The following SNX6 variants were observed in gnomAD, a reference collection of about 807,000 sequenced individuals.
SNX6 encodes sorting nexin-6.
In SNX6, 34 loss-of-function variants were observed where a neutral mutation model predicts 63.0. The ratio of observed to expected loss-of-function variants is 0.54; its 90% CI spans 0.41 to 0.72. The LOEUF (loss-of-function observed/expected upper bound fraction) is 0.72, where lower values mean the gene tolerates loss of function less well. SNX6 is among the 30% of genes least tolerant of loss of function. The pLI is 0.00. For synonymous variants in SNX6, 170 were observed against 164.2 expected (o/e 1.04, Z -0.27); for missense variants, 398 against 471.4 (o/e 0.84, Z 1.44).
At chr14:34,565,026 C>T (rs942625227) in intron 13 of SNX6, among the ~76,000 whole-genome samples, 4 of 151,198 alleles carry the variant, frequency 2.6e-5, no homozygotes, top group South Asian at 4.2e-4. Context: ...ATTTTACTTA[C>T]GGATACTTAA....
intron 13 of SNX6, 48 bp from the exon 14 acceptor site, chr14:34,563,223 C>T (rs1384489431): frequency 6.6e-7 from 1 of 1,515,208 alleles, no homozygotes; most frequent in African/African-American, 1.4e-5. Flanking sequence ...TCAAACAATT[C>T]AGAAGACTCC....
At chr14:34,578,301 T>C (rs1221256081) in intron 10 of SNX6, among the ~76,000 whole-genome samples, 1 of 152,138 alleles carries the variant, frequency 6.6e-6, no homozygotes, top group Non-Finnish European at 1.5e-5. Flanking sequence ...TTCTGCAACT[T>C]TTCTGTAAGT....
In SNX6 at chr14:34,576,089, A is replaced by AT. The variant is rs1167216808; in HGVS notation, c.835-248dup. Among the ~76,000 whole-genome samples, 14 of 150,254 alleles carry AT rather than the reference A, an allele frequency of 9.3e-5. No homozygotes were observed. The East Asian group carries it at 2.4e-3, about 25-fold the overall frequency. On this transcript the variant is annotated intron_variant, in intron 10 of 13. Coordinates refer to ENST00000362031, the MANE Select transcript of SNX6 (RefSeq NM_152233.4). ...CAGGCGCCCGCCACCACGCCCGGCT[A>AT]TTTTTTTTGTATTTTTTAGTAGAGA...
At chr14:34,611,420 T>C (rs1883222342) in intron 2 of SNX6, among the ~76,000 whole-genome samples, 1 of 147,910 alleles carries the variant, frequency 6.8e-6, no homozygotes, top group Non-Finnish European at 1.5e-5. Flanking sequence ...GAGGTTGCAG[T>C]GAGCTGAAAT....
intron 7 of SNX6, among the ~76,000 whole-genome samples, chr14:34,595,909 A>G (rs1039636005): frequency 1.3e-5 from 2 of 152,180 alleles, no homozygotes; most frequent in African/African-American, 4.8e-5. Flanking sequence ...CATTTTTAGA[A>G]CATCATTAAG....
At chr14:34,606,702 T>C (rs1291247535) in intron 4 of SNX6, among the ~76,000 whole-genome samples, 1 of 152,142 alleles carries the variant, frequency 6.6e-6, no homozygotes, top group Non-Finnish European at 1.5e-5. Context: ...TCCACCCGCC[T>C]CGGCCTCCCA....
intron 11 of SNX6, among the ~76,000 whole-genome samples, chr14:34,573,638 T>C (rs552305869): frequency 7.9e-5 from 12 of 151,930 alleles, no homozygotes; most frequent in Non-Finnish European, 1.3e-4. Flanking sequence ...TTTTTTTAAT[T>C]AATTAATTTA....
intron 2 of SNX6, among the ~76,000 whole-genome samples, chr14:34,614,557 T>C (rs374370872): frequency 2.6e-5 from 4 of 152,294 alleles, no homozygotes; most frequent in African/African-American, 9.6e-5. Context: ...ATTTTCAGGA[T>C]TTTCCTTGCC....
chr14:34,576,452 ATTTTTT>A (rs761952812), intron 10 of SNX6, among the ~76,000 whole-genome samples: 14,534 of 63,152 alleles, frequency 0.23, 1,044 homozygotes, highest in African/African-American at 0.32. Flanking sequence ...ATATATATAT[ATTTTTT>A]TTTTTTTTGA....
intron 7 of SNX6, 24 bp downstream of exon 7, chr14:34,597,524 CCA>C: frequency 7.6e-7 from 1 of 1,313,416 alleles, no homozygotes; most frequent in Non-Finnish European, 1.1e-6. Context: ...TCAACTAATA[CCA>C]CAGTTAATCA....
At chr14:34,585,882 G>A (rs1882130423) in intron 9 of SNX6, among the ~76,000 whole-genome samples, 1 of 151,496 alleles carries the variant, frequency 6.6e-6, no homozygotes, top group South Asian at 2.1e-4. Flanking sequence ...ATGAGCCACT[G>A]TGCCCAGCTA....
Position 34,597,652 on chromosome 14 carries a change from G to A in SNX6, c.517-7C>T. The A allele has an allele frequency of 6.6e-7, 1 of 1,508,842 alleles. No individual in the cohort carries two copies. Among genetic ancestry groups the A allele is most frequent in the Non-Finnish European group, 9.1e-7 (1 of 1,100,986 alleles). The allele number at this position is 1,508,842 out of a possible 1,614,324, so 93.5% of individuals were successfully genotyped here. On this transcript the variant is annotated splice_region_variant and splice_polypyrimidine_tract_variant and intron_variant, in intron 6 of 13. Transcript: ENST00000362031. ...TTTTTCCTCGCACACTCAACTGAAA[G>A]AAAGGTAATTTAACATTTTTAAGGT...
At chr14:34,627,405 C>T (rs949707252) in intron 2 of SNX6, among the ~76,000 whole-genome samples, 2 of 152,106 alleles carry the variant, frequency 1.3e-5, no homozygotes, top group Non-Finnish European at 2.9e-5. Flanking sequence ...CAAGATAGCA[C>T]CACTGCAGTC....
At chr14:34,612,110 T>C (rs184879783) in intron 2 of SNX6, among the ~76,000 whole-genome samples, 1 of 151,980 alleles carries the variant, frequency 6.6e-6, no homozygotes, top group African/African-American at 2.4e-5. Context: ...TTCAGGCTTT[T>C]TGTTTTTTTA....
intron 2 of SNX6, among the ~76,000 whole-genome samples, chr14:34,622,011 T>C (rs1458423828): frequency 1.5e-5 from 2 of 137,618 alleles, no homozygotes; most frequent in Non-Finnish European, 3.0e-5. Context: ...CAGGCTGGAG[T>C]GCAGTGGCGT....
chr14:34,629,341 T>G, intron 2 of SNX6: 1 of 354,410 alleles, frequency 2.8e-6, no homozygotes. Flanking sequence ...TTGTTGGATA[T>G]TAGAAAAAGT....
Position 34,567,967 on chromosome 14 carries a change from G to C in SNX6, c.968C>G (p.Ala323Gly). 1 of 1,612,168 alleles carries C rather than the reference G, an allele frequency of 6.2e-7. No homozygotes were observed. The highest frequency in any genetic ancestry group is 8.5e-7 in the Non-Finnish European group (1 of 1,179,940). ...RSRSLVDYEN[A>G]NKALDKARAK... ...TCTTGCTTTATCCAGTGCTTTATTA[G>C]CATTTTCATAATCCACTAGTGACCT... Residue 323 changes from alanine to glycine, a missense_variant, in exon 12 of 14, where the codon GCT becomes GGT. Coordinates refer to ENST00000362031, the MANE Select transcript of SNX6 (RefSeq NM_152233.4).
At chr14:34,617,695 G>A (rs1287876009) in intron 2 of SNX6, among the ~76,000 whole-genome samples, 4 of 151,666 alleles carry the variant, frequency 2.6e-5, no homozygotes, top group Non-Finnish European at 5.9e-5. Flanking sequence ...GCTGAGGCAG[G>A]CGGATCACGA....
chr14:34,617,931 A>G (rs1883483575), intron 2 of SNX6, among the ~76,000 whole-genome samples: 1 of 152,052 alleles, frequency 6.6e-6, no homozygotes, highest in African/African-American at 2.4e-5. Context: ...AAAAAAAAAA[A>G]AAGACTTAGG....
Sources: allele counts gnomAD v4.1 joint callset (sites outside exome capture counted in the v4.1 genomes callset), GRCh38; gene constraint gnomAD v4.1.1; transcripts MANE v1.5; gene names NCBI Gene and HGNC (gene_info 2026-07-23, HGNC 2026-07-21).